The following ADAM33 variants were observed in gnomAD, a reference collection of about 807,000 sequenced individuals.
ADAM33 encodes the protein disintegrin and metalloproteinase domain-containing protein 33.
In ADAM33, 103 loss-of-function variants were observed where a neutral mutation model predicts 106.2. The observed-to-expected ratio is 0.97, with a 90% CI of 0.83 to 1.14. The LOEUF is 1.14. ADAM33 is among the 50% of genes most tolerant of loss of function. The pLI, the probability that ADAM33 is intolerant of heterozygous loss-of-function variation, is 0.00. For missense variants in ADAM33, 1,120 were observed against 1,096.6 expected, an observed-to-expected ratio of 1.02 and a Z score of -0.30; for synonymous variants, 483 against 453.0, an observed-to-expected ratio of 1.07 and a Z score of -0.84.
intron 1 of ADAM33, among the ~76,000 whole-genome samples, chr20:3,680,919 G>A (rs1205036865): frequency 3.3e-5 from 5 of 152,128 alleles, no homozygotes; most frequent in East Asian, 3.9e-4. Flanking sequence ...GGTGGAACCC[G>A]AGGGAGCCAG....
In ADAM33 at chr20:3,670,497, G is replaced by A. The variant is rs3918397; in HGVS notation, c.2240+509C>T. On this transcript the variant is annotated intron_variant, in intron 19 of 21. Coordinates refer to ENST00000356518, the MANE Select transcript of ADAM33 (RefSeq NM_025220.5). ...GAGAACTGGGTTAAGGCAGGGCCCT[G>A]GCACAGGGGCAGCCAGCACCGCAGC... 6.3e-3 allele frequency: 1,028 copies of A among 164,104 alleles called. 3 individuals are homozygous for A. The highest frequency in any genetic ancestry group is 7.9e-3 in the Non-Finnish European group (593 of 74,684). The allele number at this position is 164,104 out of a possible 1,614,324, so 10.2% of individuals were successfully genotyped here.
Position 3,673,553 on chromosome 20 carries a change from GC to G in ADAM33, c.990+20del. 7.1e-7 allele frequency: 1 copy of G among 1,402,942 alleles called. No individual in the cohort carries two copies. The highest frequency in any genetic ancestry group is 9.2e-7 in the Non-Finnish European group (1 of 1,085,126). The allele number at this position is 1,402,942 out of a possible 1,614,324, so 86.9% of individuals were successfully genotyped here. A position where few individuals can be genotyped will look rare whatever the true frequency, so the allele number is the denominator to read the frequency against. ...CCGTAGAGCCTCCTGTCTCTCCCTCGCCCCCGCCCGCGGGGCTCACCGTGCT... is the reference window on the plus strand; with the variant it reads ...CCGTAGAGCCTCCTGTCTCTCCCTCGCCCCGCCCGCGGGGCTCACCGTGCT... On this transcript the variant is annotated intron_variant, in intron 10 of 21. Coordinates refer to ENST00000356518, the MANE Select transcript of ADAM33 (RefSeq NM_025220.5).
At chr20:3,670,745 G>A (rs1023248089) in intron 19 of ADAM33, 1 of 466,836 alleles carries the variant, frequency 2.1e-6, no homozygotes, top group Admixed American at 3.4e-5. Flanking sequence ...GGAGAAGCAG[G>A]AGAGTGGACA....
rs766929277 is a variant in ADAM33 at position 3,673,568 on chromosome 20, G to A, written c.990+6C>T. 64 of 1,389,362 alleles carry A rather than the reference G, an allele frequency of 4.6e-5. No homozygotes were observed. The highest frequency in any genetic ancestry group is 5.7e-5 in the Non-Finnish European group (62 of 1,078,470). 86.1% of individuals were successfully genotyped at this position (1,389,362 alleles called of 1,614,324 possible). A position where few individuals can be genotyped will look rare whatever the true frequency, so the allele number is the denominator to read the frequency against. ...TCTCTCCCTCGCCCCCGCCCGCGGG[G>A]CTCACCGTGCTCACGCCTCCCGAGC... On this transcript the variant is annotated splice_donor_region_variant and intron_variant, in intron 10 of 21. Transcript: ENST00000356518.
rs2088543817 is a variant in ADAM33 at position 3,681,997 on chromosome 20, C to T, written c.8G>A (p.Trp3Ter). The T allele has an allele frequency of 1.3e-6, 2 of 1,523,962 alleles. No individual in the cohort carries two copies. Among genetic ancestry groups the T allele is most frequent in the Non-Finnish European group, 1.8e-6 (2 of 1,135,156 alleles). The allele number at this position is 1,523,962 out of a possible 1,614,324, so 94.4% of individuals were successfully genotyped here. MG[W>*]RPRRARGTPL... is the part of the protein sequence containing the mutation. ...GGTCCCCCGAGCTCTCCGGGGCCTC[C>T]AGCCCATAGCTGTGAGCTCCTCGGC... Residue 3 changes from tryptophan to a stop codon, truncating the protein, a stop_gained, in exon 1 of 22, where the codon TGG becomes TAG. Transcript: ENST00000356518. LOFTEE classifies it high-confidence loss of function.
intron 2 of ADAM33, among the ~76,000 whole-genome samples, chr20:3,677,726 C>T (rs1348654972): frequency 2.0e-5 from 3 of 152,202 alleles, no homozygotes; most frequent in Admixed American, 6.5e-5. Flanking sequence ...ACTGGACCCA[C>T]GAAGTAAACA....
Position 3,672,688 on chromosome 20 carries a change from A to G in ADAM33, c.1311+33T>C, listed in dbSNP as rs2087624087. ...CGCAGCGCCCCAGACCTGAGCGGAG[A>G]GGGCAAGTGGGGGCCGGGCGAGCCG... is the stretch of plus-strand genomic sequence containing the variant. On this transcript the variant is annotated intron_variant, in intron 12 of 21. Transcript: ENST00000356518. 4 of 1,598,582 alleles carry G rather than the reference A, an allele frequency of 2.5e-6. No individual in the cohort carries two copies. The East Asian group carries it at 9.0e-5, about 36-fold the overall frequency.
chr20:3,673,131 G>A, intron 11 of ADAM33: 2 of 1,475,718 alleles, frequency 1.4e-6, no homozygotes, highest in Non-Finnish European at 9.0e-7. Context: ...CCCGGTGTAG[G>A]AGTAACCTCG....
chr20:3,678,386 T>G (rs1389219582), intron 2 of ADAM33, among the ~76,000 whole-genome samples: 1 of 152,056 alleles, frequency 6.6e-6, no homozygotes, highest in African/African-American at 2.4e-5. Context: ...CTCCTCTTGG[T>G]CACAGCCCAG....
At chr20:3,676,264 C>A (rs1298383002) in intron 3 of ADAM33, among the ~76,000 whole-genome samples, 1 of 151,940 alleles carries the variant, frequency 6.6e-6, no homozygotes, top group African/African-American at 2.4e-5. Context: ...GGACACTGAG[C>A]ACCAAAATGG....
chr20:3,673,386 C>T lies in ADAM33; in HGVS notation c.1101G>A (p.Glu367=), dbSNP rs750558863. 2.5e-5 allele frequency: 39 copies of T among 1,543,246 alleles called. No individual in the cohort carries two copies. The highest frequency in any genetic ancestry group is 3.2e-5 in the Non-Finnish European group (37 of 1,151,324). ...CCGCAGCCATGACGCAGCCTCCGGACTCGGCCGCAGCCTCCACGCAGCAGC... is the reference window on the plus strand; with the variant it reads ...CCGCAGCCATGACGCAGCCTCCGGATTCGGCCGCAGCCTCCACGCAGCAGC... ...PDGCCVEAAA[E]SGGCVMAAAT... is the part of the protein sequence containing the mutation. The change falls in exon 11 of 22, where the codon GAG becomes GAA. Residue 367 remains glutamate (E), a synonymous_variant. Transcript: ENST00000356518.
rs2087920996 is a variant in ADAM33, at chr20:3,675,975, G to C, written c.255-870C>G. ...GGTGATGTGACCACCCCATTGAAAG[G>C]GTAGGGACGTCGGGAAAATATGGTT... is the stretch of plus-strand genomic sequence containing the variant. On this transcript the variant is annotated intron_variant, in intron 3 of 21. Transcript: ENST00000356518. This position sits in a 1 kb window ranked among gnomAD's most constrained non-coding sequence, Gnocchi z 4.1. Among the ~76,000 whole-genome samples, 1 of 152,078 alleles carries C rather than the reference G, an allele frequency of 6.6e-6. No individual in the cohort carries two copies. Among genetic ancestry groups the C allele is most frequent in the African/African-American group, 2.4e-5 (1 of 41,400 alleles).
In ADAM33 at chr20:3,669,019, T is replaced by G. The variant is rs1166718194; in HGVS notation, c.2405-19A>C. On this transcript the variant is annotated intron_variant, in intron 21 of 21. Coordinates refer to ENST00000356518, the MANE Select transcript of ADAM33 (RefSeq NM_025220.5). ...TGATCTGCTGAGAATGAGGAGGATA[T>G]GTTGTCCCCTAAGGACTGGGGCCCC... is the stretch of plus-strand genomic sequence containing the variant. 1.2e-6 allele frequency: 2 copies of G among 1,613,874 alleles called. No individual in the cohort carries two copies. The highest frequency in any genetic ancestry group is 1.7e-6 in the Non-Finnish European group (2 of 1,179,896).
In ADAM33 at chr20:3,671,064, G is replaced by A. The variant is rs2087499771; in HGVS notation, c.2182C>T (p.Pro728Ser). The change falls in exon 19 of 22, where the codon CCA becomes TCA. Residue 728 changes from proline to serine, a missense_variant. Transcript: ENST00000356518. ...AGLAWCCYRL[P>S]GAHLQRCSWG... ...CTGCATCGCTGCAGATGGGCTCCTG[G>A]GAGTCGGTAGCAACACCAGGCCAGG... 8 of 1,570,978 alleles carry A rather than the reference G, an allele frequency of 5.1e-6. No homozygotes were observed. Among genetic ancestry groups the A allele is most frequent in the Non-Finnish European group, 5.2e-6 (6 of 1,158,332 alleles).
In ADAM33 at chr20:3,674,499, CT is replaced by C; in HGVS notation, c.600+4del. 6.2e-7 allele frequency: 1 copy of C among 1,612,830 alleles called. No individual in the cohort carries two copies. The highest frequency in any genetic ancestry group is 8.5e-7 in the Non-Finnish European group (1 of 1,179,774). On this transcript the variant is annotated splice_donor_region_variant and intron_variant, in intron 6 of 21. Coordinates refer to ENST00000356518, the MANE Select transcript of ADAM33 (RefSeq NM_025220.5). ...TCCCACTCCCATCCGATCGATGCCC[CT>C]GACCCTGCTCTGGGGACCACCAGGA...
intron 9 of ADAM33, 29 bp downstream of exon 9, chr20:3,673,716 G>A: frequency 7.2e-7 from 1 of 1,390,426 alleles, no homozygotes. Context: ...GCCCCACCCG[G>A]GACCCGCGTC....
intron 2 of ADAM33, 128 bp downstream of exon 2, chr20:3,679,364 G>A (rs887795268): frequency 1.1e-5 from 10 of 893,058 alleles, no homozygotes; most frequent in Admixed American, 9.8e-5. Flanking sequence ...GGGGAGGCAG[G>A]GGCCTATAGG....
At position 3,674,068 on chromosome 20, in the gene ADAM33, T is replaced by TCG; in HGVS notation, c.733_734insCG (p.Asp245AlafsTer14). The TCG allele has an allele frequency of 6.2e-7, 1 of 1,614,102 alleles. No homozygotes were observed. Among genetic ancestry groups the TCG allele is most frequent in the Non-Finnish European group, 8.5e-7 (1 of 1,180,006 alleles). On this transcript the variant is annotated frameshift_variant, in exon 8 of 22. Coordinates refer to ENST00000356518, the MANE Select transcript of ADAM33 (RefSeq NM_025220.5). LOFTEE classifies it high-confidence loss of function. ...TCTCTCCCCGCCGCCCCCAACCTGG[T>TCG]CCACGTAGTTGGCGACTTCCAGGAG...
chr20:3,673,475 C>G lies in ADAM33; in HGVS notation c.1012G>C (p.Gly338Arg). Residue 338 changes from glycine to arginine, a missense_variant, in exon 11 of 22, where the codon GGC becomes CGC. Gly to Arg is a moderately radical substitution (Grantham distance 125). Transcript: ENST00000356518. ...VSTDHSELPI[G>R]AAATMAHEIG... is the part of the protein sequence containing the mutation. ...TCATGGGCCATGGTGGCTGCGGCGC[C>G]GATGGGGAGCTCCGAGTGGTCCTGG... is the stretch of plus-strand genomic sequence containing the variant. 1 of 1,536,156 alleles carries G rather than the reference C, an allele frequency of 6.5e-7. No individual in the cohort carries two copies. The highest frequency in any genetic ancestry group is 1.3e-5 in the South Asian group (1 of 79,172).
Sources: gnomAD v4.1 joint callset for allele counts (sites outside exome capture counted in the v4.1 genomes callset) on GRCh38, gnomAD v4.1.1 for gene constraint, Gnocchi (gnomAD v3.1) non-coding constraint, MANE v1.5 for transcripts, NCBI Gene and HGNC (gene_info 2026-07-23, HGNC 2026-07-21) for gene names.